UBL7: variants seen among roughly 807,000 people sequenced by gnomAD.
UBL7 encodes ubiquitin like 7, also known as ubiquitin-like protein 7.
A neutral mutation model predicts 41.7 loss-of-function variants in UBL7; 21 were observed. That is an observed-to-expected ratio of 0.50 (90% CI 0.36 to 0.73). UBL7 has a LOEUF of 0.73. UBL7 is among the 30% of genes least tolerant of loss of function. The probability of loss-of-function intolerance (pLI) is 0.00; values close to 1 mark genes in which losing one functional copy is unlikely to be tolerated. For missense variants in UBL7, 403 were observed against 478.4 expected (o/e 0.84, Z 1.47); for synonymous variants, 157 against 186.9 (o/e 0.84, Z 1.31).
intron 3 of UBL7, among the ~76,000 whole-genome samples, chr15:74,454,097 G>C (rs1681073462): frequency 6.6e-6 from 1 of 152,134 alleles, no homozygotes; most frequent in Non-Finnish European, 1.5e-5. Context: ...CCATATCCCA[G>C]CTCTTGCATT....
At chr15:74,451,149 C>A (rs1033917929) in intron 5 of UBL7, among the ~76,000 whole-genome samples, 1 of 152,184 alleles carries the variant, frequency 6.6e-6, no homozygotes, top group Admixed American at 6.5e-5. Flanking sequence ...TTCCCTTACT[C>A]AGGGTGTGCA....
chr15:74,449,783 C>G, intron 7 of UBL7, 108 bp from the exon 8 acceptor site: 2 of 1,553,288 alleles, frequency 1.3e-6, no homozygotes, highest in Non-Finnish European at 1.8e-6. Flanking sequence ...TCTCTCCCCT[C>G]GGAAAATTAC....
chr15:74,450,088 G>C lies in UBL7; in HGVS notation c.531-19C>G. On this transcript the variant is annotated intron_variant, in intron 6 of 10. Transcript: ENST00000395081. ...CACCAACCTAGGATAGAAGCAGGAA[G>C]AAACCCAAGGGTGACTCCAAAAGAG... 1.2e-6 allele frequency: 2 copies of C among 1,605,362 alleles called. No individual in the cohort carries two copies. The highest frequency in any genetic ancestry group is 1.7e-6 in the Non-Finnish European group (2 of 1,174,928).
In UBL7 at chr15:74,451,505, T is replaced by A; in HGVS notation, c.403A>T (p.Ser135Cys). 6.2e-7 allele frequency: 1 copy of A among 1,614,102 alleles called. No homozygotes were observed. Among genetic ancestry groups the A allele is most frequent in the Non-Finnish European group, 8.5e-7 (1 of 1,180,006 alleles). The change falls in exon 5 of 11, where the codon AGC (serine) becomes TGC (cysteine). Residue 135 changes from serine to cysteine, a missense_variant. Ser to Cys is a moderately radical substitution (Grantham distance 112). Transcript: ENST00000395081. ...SYREAVFKML[S>C]NKESLDQIIV... ...ATCTGATCCAGAGACTCCTTATTGC[T>A]GAGCATCTTAAAGACCTGCAGGAGA...
chr15:74,453,525 T>TG (rs941636874), intron 3 of UBL7, among the ~76,000 whole-genome samples: 59 of 151,880 alleles, frequency 3.9e-4, no homozygotes, highest in African/African-American at 1.1e-3. Context: ...TGATATTTAC[T>TG]GGGGGGGTGA....
Position 74,446,939 on chromosome 15 carries a change from G to A in UBL7, c.1006-712C>T, listed in dbSNP as rs139658959. Among the ~76,000 whole-genome samples the A allele has an allele frequency of 7.6e-3, 1,158 of 152,214 alleles. 11 individuals carry two copies. Among genetic ancestry groups the A allele is most frequent in the South Asian group, 0.032 (156 of 4,826 alleles). ...TAGGGAAAACAACGTGTTCACATGTGGGAAGAAGGCAATGCAAAGGGGAAG... is the reference window on the plus strand; with the variant it reads ...TAGGGAAAACAACGTGTTCACATGTAGGAAGAAGGCAATGCAAAGGGGAAG... On this transcript the variant is annotated intron_variant, in intron 10 of 10. Transcript: ENST00000395081. The surrounding 1 kb of genome is among the most constrained non-coding windows in gnomAD (Gnocchi z 4.1).
chr15:74,452,991 C>T lies in UBL7; in HGVS notation c.305-613G>A, dbSNP rs539669086. ...CCTCCCAAAGTGCTAGGATTACAGG[C>T]GTGAGCCACCGTGCCCAGCCCTGGG... On this transcript the variant is annotated intron_variant, in intron 3 of 10. Coordinates refer to ENST00000395081, the MANE Select transcript of UBL7 (RefSeq NM_032907.5). Among the ~76,000 whole-genome samples, 41 of 152,272 alleles carry T rather than the reference C, an allele frequency of 2.7e-4. 2 individuals carry two copies. The South Asian group carries it at 7.1e-3, about 26-fold the overall frequency.
Position 74,446,029 on chromosome 15 carries a change from G to T in UBL7, c.*61C>A. ...AAGGGAGAGATGGAGGCACCTTCAT[G>T]AGTGCCTCCCAAGGGCAGTAGCCTC... On this transcript the variant is annotated 3_prime_UTR_variant, in exon 11 of 11. Coordinates refer to ENST00000395081, the MANE Select transcript of UBL7 (RefSeq NM_032907.5). The surrounding 1 kb of genome is among the most constrained non-coding windows in gnomAD (Gnocchi z 4.1). 1 of 1,584,908 alleles carries T rather than the reference G, an allele frequency of 6.3e-7. No individual in the cohort carries two copies. The highest frequency in any genetic ancestry group is 1.1e-5 in the South Asian group (1 of 88,466).
chr15:74,461,031 C>A lies in UBL7; in HGVS notation c.-30+6G>T. 2.8e-6 allele frequency: 3 copies of A among 1,059,216 alleles called. No homozygotes were observed. The highest frequency in any genetic ancestry group is 3.4e-6 in the Non-Finnish European group (3 of 871,370). The allele number at this position is 1,059,216 out of a possible 1,614,324, so 65.6% of individuals were successfully genotyped here. A position where few individuals can be genotyped will look rare whatever the true frequency, so the allele number is the denominator to read the frequency against. On this transcript the variant is annotated splice_donor_region_variant and intron_variant, in intron 1 of 10. Transcript: ENST00000395081. ...GGGCAGGAACACTATCCGGTGGCGA[C>A]CTCACCGCTCCAGTGGGACCAGCTA...
At position 74,458,763 on chromosome 15, in the gene UBL7, TAGCG is replaced by T; in HGVS notation, c.101_104del (p.Ser34Ter). The T allele has an allele frequency of 1.9e-6, 3 of 1,614,020 alleles. No homozygotes were observed. Among genetic ancestry groups the T allele is most frequent in the Non-Finnish European group, 2.5e-6 (3 of 1,180,024 alleles). On this transcript the variant is annotated frameshift_variant, in exon 2 of 11. Coordinates refer to ENST00000395081, the MANE Select transcript of UBL7 (RefSeq NM_032907.5). LOFTEE classifies it high-confidence loss of function. ...TCAGAAATGAAATACTATAGCCCCCTAGCGAGTATTCTCCCAGTTCTGTCTCTGG... is the reference window on the plus strand; with the variant it reads ...TCAGAAATGAAATACTATAGCCCCCTAGTATTCTCCCAGTTCTGTCTCTGG...
At chr15:74,453,928 G>A (rs1241589131) in intron 3 of UBL7, among the ~76,000 whole-genome samples, 3 of 152,222 alleles carry the variant, frequency 2.0e-5, no homozygotes, top group Non-Finnish European at 4.4e-5. Flanking sequence ...CCTCCAGGTA[G>A]AAGGTGGGAG....
intron 1 of UBL7, among the ~76,000 whole-genome samples, chr15:74,459,932 CAAAAAAAAAAAAAAA>C (rs55846825): frequency 1.6e-4 from 3 of 18,270 alleles, no homozygotes; most frequent in African/African-American, 1.9e-4. Flanking sequence ...GACTCTGTCG[CAAAAAAAAAAAAAAA>C]AAAAAAAAAA....
intron 9 of UBL7, 103 bp from the exon 10 acceptor site, chr15:74,448,703 A>C (rs1293953804): frequency 8.7e-6 from 13 of 1,490,710 alleles, no homozygotes; most frequent in Non-Finnish European, 1.1e-5. Flanking sequence ...GAGGTACCCA[A>C]CTTCTGCCTC....
intron 5 of UBL7, 27 bp downstream of exon 5, chr15:74,451,409 T>C (rs1387624068): frequency 1.9e-6 from 3 of 1,601,432 alleles, no homozygotes; most frequent in Non-Finnish European, 2.6e-6. Context: ...ACAACTCCTA[T>C]TTCCTCAAAT....
intron 10 of UBL7, among the ~76,000 whole-genome samples, chr15:74,448,207 T>C (rs2061204255): frequency 6.6e-6 from 1 of 152,116 alleles, no homozygotes; most frequent in Non-Finnish European, 1.5e-5. Context: ...GATCACTGAA[T>C]GAATGAATGA....
intron 8 of UBL7, 99 bp from the exon 9 acceptor site, chr15:74,449,452 G>T: frequency 6.5e-7 from 1 of 1,542,234 alleles, no homozygotes; most frequent in Non-Finnish European, 8.8e-7. Flanking sequence ...AAACTCTTAA[G>T]TTCCCAGGTT....
intron 10 of UBL7, among the ~76,000 whole-genome samples, chr15:74,447,512 G>A (rs1369366328): frequency 2.6e-5 from 4 of 151,848 alleles, no homozygotes; most frequent in Non-Finnish European, 4.4e-5. Context: ...AGACCAGGCT[G>A]GGCAACATAG....
intron 1 of UBL7, 92 bp downstream of exon 1, chr15:74,460,945 A>G (rs1035191225): frequency 1.6e-5 from 18 of 1,148,574 alleles, no homozygotes; most frequent in Non-Finnish European, 1.8e-5. Context: ...CCACATTTTA[A>G]AGATGAGGGA....
chr15:74,458,758 C>G lies in UBL7; in HGVS notation c.110G>C (p.Gly37Ala). Residue 37 changes from glycine (G) to alanine (A), a missense_variant, in exon 2 of 11, where the codon GGC becomes GCC. Coordinates refer to ENST00000395081, the MANE Select transcript of UBL7 (RefSeq NM_032907.5). ...ETELGEYSLG[G>A]YSISFLKQLI... ...CTGCTTCAGAAATGAAATACTATAG[C>G]CCCCTAGCGAGTATTCTCCCAGTTC... The G allele has an allele frequency of 6.2e-7, 1 of 1,614,002 alleles. No individual in the cohort carries two copies. The highest frequency in any genetic ancestry group is 1.1e-5 in the South Asian group (1 of 91,088).
Sources: gnomAD v4.1 joint callset for allele counts (sites outside exome capture counted in the v4.1 genomes callset) on GRCh38, gnomAD v4.1.1 for gene constraint, Gnocchi (gnomAD v3.1) non-coding constraint, MANE v1.5 for transcripts, NCBI Gene and HGNC (gene_info 2026-07-23, HGNC 2026-07-21) for gene names.